The following LARS2 variants were observed in gnomAD, a reference collection of about 807,000 sequenced individuals.
LARS2 encodes the protein leucyl-tRNA synthetase 2, mitochondrial.
A neutral mutation model predicts 116.6 loss-of-function variants in LARS2; 81 were observed. That is an observed-to-expected ratio of 0.69 (90% CI 0.58 to 0.84). The LOEUF is 0.84. Among genes scored for constraint, LARS2 ranks in the 40% least tolerant of loss-of-function variants. The pLI, the probability that LARS2 is intolerant of heterozygous loss-of-function variation, is 0.00. For synonymous variants in LARS2, 396 were observed against 407.2 expected (o/e 0.97, Z 0.33); for missense variants, 968 against 1,114.5 (o/e 0.87, Z 1.87).
Position 45,542,108 on chromosome 3 carries a change from G to T in LARS2, c.2532+152G>T. 2 of 959,226 alleles carry T rather than the reference G, an allele frequency of 2.1e-6. 1 individual carries two copies. Among genetic ancestry groups the T allele is most frequent in the Non-Finnish European group, 3.1e-6 (2 of 654,446 alleles). The allele number at this position is 959,226 out of a possible 1,614,324, so 59.4% of individuals were successfully genotyped here. On this transcript the variant is annotated intron_variant, in intron 21 of 21. Coordinates refer to ENST00000645846, the MANE Select transcript of LARS2 (RefSeq NM_015340.4). ...CACCTTGTGACCGGAAGGCACAAAGGCCTGTCTTTCCTTTGCCAGTACCCT... is the reference window on the plus strand; with the variant it reads ...CACCTTGTGACCGGAAGGCACAAAGTCCTGTCTTTCCTTTGCCAGTACCCT...
At chr3:45,436,523 G>A (rs977321804) in intron 6 of LARS2, among the ~76,000 whole-genome samples, 27 of 151,934 alleles carry the variant, frequency 1.8e-4, no homozygotes, top group Admixed American at 6.6e-5. Context: ...GGCCGGGCGC[G>A]GTGGCTCACG....
chr3:45,457,886 A>G (rs2125709889), intron 7 of LARS2, among the ~76,000 whole-genome samples: 1 of 152,320 alleles, frequency 6.6e-6, no homozygotes, highest in East Asian at 1.9e-4. Context: ...AATAGTTAAG[A>G]CTACATGTTT....
At chr3:45,402,109 G>A (rs1434156723) in intron 4 of LARS2, among the ~76,000 whole-genome samples, 1 of 152,158 alleles carries the variant, frequency 6.6e-6, no homozygotes, top group Non-Finnish European at 1.5e-5. Context: ...TGGCCTTTGA[G>A]TAGTTAATTA....
At chr3:45,432,121 T>C (rs767183190) in intron 6 of LARS2, among the ~76,000 whole-genome samples, 1 of 152,166 alleles carries the variant, frequency 6.6e-6, no homozygotes, top group Non-Finnish European at 1.5e-5. Flanking sequence ...CTATTATAAA[T>C]GTTTATGTAC....
Position 45,491,755 on chromosome 3 carries a change from C to G in LARS2, c.1478C>G (p.Pro493Arg), listed in dbSNP as rs1424827018. The change falls in exon 13 of 22, where the codon CCC becomes CGC. Residue 493 changes from proline to arginine, a missense_variant. Pro to Arg is a moderately radical substitution (Grantham distance 103). Coordinates refer to ENST00000645846, the MANE Select transcript of LARS2 (RefSeq NM_015340.4). ...NIASFTGKGGPPLAMASEWVN... is the reference protein window; with the variant it reads ...NIASFTGKGGRPLAMASEWVN... ...GCGTCTTTCACTGGCAAGGGAGGCC[C>G]CCCACTGGCCATGGCTTCAGAGTGG... The G allele has an allele frequency of 6.2e-7, 1 of 1,613,952 alleles. No individual in the cohort carries two copies. The highest frequency in any genetic ancestry group is 1.3e-5 in the African/African-American group (1 of 75,058).
At chr3:45,506,438 G>A (rs1176019891) in intron 15 of LARS2, among the ~76,000 whole-genome samples, 3 of 152,056 alleles carry the variant, frequency 2.0e-5, no homozygotes, top group African/African-American at 7.2e-5. Flanking sequence ...TTATCAAGCT[G>A]GGCTGGGAGG....
chr3:45,446,773 A>C (rs1163637286), intron 6 of LARS2, 118 bp from the exon 7 acceptor site: 2 of 601,524 alleles, frequency 3.3e-6, no homozygotes, highest in African/African-American at 3.8e-5. Context: ...AAATATTTTG[A>C]GCTGGTAAAT....
chr3:45,483,915 C>A (rs1006827208), intron 10 of LARS2: 1 of 151,894 alleles, frequency 6.6e-6, no homozygotes, highest in Non-Finnish European at 1.5e-5. Flanking sequence ...GATATAGACC[C>A]TGGCCAGGCA....
At chr3:45,448,084 C>T (rs1699051676) in intron 7 of LARS2, among the ~76,000 whole-genome samples, 1 of 151,928 alleles carries the variant, frequency 6.6e-6, no homozygotes, top group Non-Finnish European at 1.5e-5. Context: ...CCTGTCTCTA[C>T]AAAAAGTAGG....
At chr3:45,515,652 G>A (rs1700359858) in intron 16 of LARS2, among the ~76,000 whole-genome samples, 1 of 152,224 alleles carries the variant, frequency 6.6e-6, no homozygotes, top group African/African-American at 2.4e-5. Flanking sequence ...TGCCCTGAGA[G>A]TATGAGATCA....
chr3:45,547,659 G>A lies in LARS2; in HGVS notation c.*129G>A, dbSNP rs1408857199. On this transcript the variant is annotated 3_prime_UTR_variant, in exon 22 of 22. Coordinates refer to ENST00000645846, the MANE Select transcript of LARS2 (RefSeq NM_015340.4). ...TGTCTTGACTGTTGACCTCGGTCCT[G>A]TGGCAGACTGCAGTCAACAGTGTGC... The A allele has an allele frequency of 3.4e-5, 28 of 820,390 alleles. No individual in the cohort carries two copies. The highest frequency in any genetic ancestry group is 4.6e-5 in the Non-Finnish European group (24 of 525,502). 50.8% of individuals were successfully genotyped at this position (820,390 alleles called of 1,614,324 possible).
At chr3:45,429,005 A>G (rs927614745) in intron 6 of LARS2, among the ~76,000 whole-genome samples, 7 of 152,264 alleles carry the variant, frequency 4.6e-5, no homozygotes, top group African/African-American at 1.7e-4. Context: ...TTTGAAAACT[A>G]AGAAAATTAA....
intron 19 of LARS2, 113 bp downstream of exon 19, chr3:45,520,409 A>G: frequency 1.4e-6 from 1 of 702,712 alleles, no homozygotes; most frequent in Non-Finnish European, 2.6e-6. Flanking sequence ...TCACCGCCTC[A>G]GTGTGGCTTG....
chr3:45,449,510 A>G (rs1699078583), intron 7 of LARS2, among the ~76,000 whole-genome samples: 1 of 152,084 alleles, frequency 6.6e-6, no homozygotes, highest in African/African-American at 2.4e-5. Context: ...ACCCACACCC[A>G]TGATAGCAAC....
intron 7 of LARS2, 87 bp downstream of exon 7, chr3:45,447,067 C>T (rs1699034277): frequency 1.3e-6 from 1 of 751,666 alleles, no homozygotes; most frequent in Non-Finnish European, 2.2e-6. Flanking sequence ...AACGCTACCT[C>T]AAGTTCATAA....
At chr3:45,476,711 T>C (rs1699617410) in intron 10 of LARS2, 84 bp downstream of exon 10, 2 of 1,385,350 alleles carry the variant, frequency 1.4e-6, no homozygotes, top group Non-Finnish European at 2.0e-6. Flanking sequence ...GGTCCTTTCC[T>C]CTATGTCATC....
chr3:45,395,906 C>G (rs1436474102), intron 3 of LARS2, among the ~76,000 whole-genome samples: 3 of 152,146 alleles, frequency 2.0e-5, no homozygotes, highest in African/African-American at 7.2e-5. Flanking sequence ...ACAATGAAAG[C>G]TTGACTTCTA....
At chr3:45,433,023 T>C (rs1286729127) in intron 6 of LARS2, among the ~76,000 whole-genome samples, 2 of 152,060 alleles carry the variant, frequency 1.3e-5, no homozygotes, top group African/African-American at 2.4e-5. Flanking sequence ...AAGTGTACTT[T>C]ATAATATGTT....
intron 9 of LARS2, among the ~76,000 whole-genome samples, chr3:45,475,304 A>G (rs1008420175): frequency 6.6e-6 from 1 of 152,204 alleles, no homozygotes; most frequent in African/African-American, 2.4e-5. Context: ...CCTCCTCACA[A>G]AAGTGATCCA....
Sources: allele counts gnomAD v4.1 joint callset (sites outside exome capture counted in the v4.1 genomes callset), GRCh38; gene constraint gnomAD v4.1.1; transcripts MANE v1.5; gene names NCBI Gene and HGNC (gene_info 2026-07-23, HGNC 2026-07-21).